MYT1L: variants seen among roughly 807,000 people sequenced by gnomAD.
MYT1L encodes the protein myelin transcription factor 1 like.
A neutral mutation model predicts 126.7 loss-of-function variants in MYT1L; 12 were observed. That is an observed-to-expected ratio of 0.09 (90% CI 0.06 to 0.15). MYT1L has a LOEUF of 0.15. Among genes scored for constraint, MYT1L ranks in the 10% least tolerant of loss-of-function variants. MYT1L has a pLI of 1.00. For synonymous variants in MYT1L, 541 were observed against 604.2 expected (o/e 0.90, Z 1.53); for missense variants, 979 against 1,585.2 (o/e 0.62, Z 6.49).
In MYT1L at chr2:2,096,473, T is replaced by G. The variant is rs144906834; in HGVS notation, c.-303-42350A>C. On this transcript the variant is annotated intron_variant, in intron 3 of 24. Coordinates refer to ENST00000647738, the MANE Select transcript of MYT1L (RefSeq NM_001303052.2). ...TGTTCAGGTTCCTAGACATGCTATTTACAAATGTCTCCCGTATCCAAGTCA... is the reference window on the plus strand; with the variant it reads ...TGTTCAGGTTCCTAGACATGCTATTGACAAATGTCTCCCGTATCCAAGTCA... Among the ~76,000 whole-genome samples the G allele has an allele frequency of 3.4e-4, 52 of 152,332 alleles. 2 individuals carry two copies. The East Asian group carries it at 0.01, about 29-fold the overall frequency.
intron 5 of MYT1L, among the ~76,000 whole-genome samples, chr2:1,988,910 A>G (rs1287150291): frequency 2.6e-5 from 4 of 152,190 alleles, no homozygotes; most frequent in Non-Finnish European, 1.5e-5. Context: ...TCCCAAAGGG[A>G]TAAGAAACAA....
intron 4 of MYT1L, among the ~76,000 whole-genome samples, chr2:2,004,272 GGCGTTCTTTCCTGCAT>G (rs1558697866): frequency 6.5e-4 from 24 of 36,766 alleles, no homozygotes; most frequent in East Asian, 3.3e-3. Flanking sequence ...CTTTCCTGCA[GGCGTTCTTTCCTGCAT>G]GCGTTCTTTC....
chr2:2,151,408 G>A (rs543698139), intron 3 of MYT1L, among the ~76,000 whole-genome samples: 44 of 152,162 alleles, frequency 2.9e-4, no homozygotes, highest in African/African-American at 9.4e-4. Context: ...TGTCCACACC[G>A]AGAGTACTTT....
At chr2:2,166,277 G>C (rs185349836) in intron 3 of MYT1L, among the ~76,000 whole-genome samples, 1 of 152,242 alleles carries the variant, frequency 6.6e-6, no homozygotes, top group East Asian at 1.9e-4. Flanking sequence ...TCATTAAACA[G>C]GAAGCCCTCT....
chr2:2,257,174 T>C (rs970334181), intron 2 of MYT1L, among the ~76,000 whole-genome samples: 3 of 152,110 alleles, frequency 2.0e-5, no homozygotes, highest in Admixed American at 6.5e-5. Flanking sequence ...AGAACACTAC[T>C]TGAGAGAATA....
chr2:1,808,397 G>A (rs1418903502), intron 22 of MYT1L, among the ~76,000 whole-genome samples: 1 of 152,164 alleles, frequency 6.6e-6, no homozygotes, highest in Non-Finnish European at 1.5e-5. Flanking sequence ...GAGTGCACAG[G>A]ACTAACTACA....
intron 5 of MYT1L, among the ~76,000 whole-genome samples, chr2:1,992,470 C>G (rs1396940461): frequency 1.3e-5 from 2 of 152,200 alleles, no homozygotes; most frequent in African/African-American, 4.8e-5. Context: ...CTGTCTATCC[C>G]CCATGCCCCG....
At chr2:2,122,001 G>A (rs558697033) in intron 3 of MYT1L, among the ~76,000 whole-genome samples, 21 of 152,326 alleles carry the variant, frequency 1.4e-4, no homozygotes, top group East Asian at 9.7e-4. Flanking sequence ...CCCCTGACCA[G>A]GGAAGGTGAG....
intron 1 of MYT1L, among the ~76,000 whole-genome samples, chr2:2,298,053 C>A (rs144867816): frequency 6.6e-6 from 1 of 152,234 alleles, no homozygotes; most frequent in Non-Finnish European, 1.5e-5. Flanking sequence ...ACTTGCTCAG[C>A]CCCTGGTGCC....
At chr2:2,313,544 G>A (rs565301804) in intron 1 of MYT1L, among the ~76,000 whole-genome samples, 2 of 151,840 alleles carry the variant, frequency 1.3e-5, no homozygotes, top group South Asian at 2.1e-4. Flanking sequence ...AATGGTATAA[G>A]GAGGAAGATA....
Position 2,270,387 on chromosome 2 carries a change from G to A in MYT1L, c.-421+14017C>T, listed in dbSNP as rs34231729. Among the ~76,000 whole-genome samples the A allele has an allele frequency of 4.7e-3, 723 of 152,282 alleles. 9 individuals are homozygous for A. Among genetic ancestry groups the A allele is most frequent in the African/African-American group, 0.017 (698 of 41,566 alleles). On this transcript the variant is annotated intron_variant, in intron 2 of 24. Coordinates refer to ENST00000647738, the MANE Select transcript of MYT1L (RefSeq NM_001303052.2). ...ATCACATTCCTTTAGTCATGAGCTT[G>A]CTGTCTTGTCCAGTCACATGAAATA...
chr2:2,107,116 G>A (rs1291510863), intron 3 of MYT1L, among the ~76,000 whole-genome samples: 1 of 152,208 alleles, frequency 6.6e-6, no homozygotes, highest in Non-Finnish European at 1.5e-5. Flanking sequence ...CCAGGACCTG[G>A]CACACAGTTC....
At chr2:1,835,525 T>C (rs1446347599) in intron 21 of MYT1L, among the ~76,000 whole-genome samples, 2 of 152,198 alleles carry the variant, frequency 1.3e-5, no homozygotes, top group East Asian at 3.9e-4. Flanking sequence ...CACCTGAAGA[T>C]GGGTGAGATG....
chr2:1,972,766 T>A (rs2149453976), intron 8 of MYT1L, among the ~76,000 whole-genome samples: 2 of 152,296 alleles, frequency 1.3e-5, no homozygotes, highest in East Asian at 3.9e-4. Flanking sequence ...GCGTGCGGAA[T>A]GGAGAGGGGG....
At chr2:1,794,513 A>C (rs1030348231) in intron 23 of MYT1L, among the ~76,000 whole-genome samples, 1 of 152,168 alleles carries the variant, frequency 6.6e-6, no homozygotes, top group African/African-American at 2.4e-5. Context: ...CGGAAGTCCA[A>C]CTGCTCCCCC....
At chr2:1,891,287 G>T (rs1189682896) in intron 15 of MYT1L, among the ~76,000 whole-genome samples, 2 of 152,164 alleles carry the variant, frequency 1.3e-5, no homozygotes, top group Admixed American at 6.5e-5. Flanking sequence ...AGGAGAGGAG[G>T]TGAACATGTC....
chr2:1,859,767 G>A (rs2044342002), intron 18 of MYT1L, among the ~76,000 whole-genome samples: 1 of 152,228 alleles, frequency 6.6e-6, no homozygotes, highest in Non-Finnish European at 1.5e-5. Flanking sequence ...GTCCCATCCA[G>A]CCGCCCTGCC....
At position 1,910,388 on chromosome 2, in the gene MYT1L, C is replaced by A. The variant is rs1217545694; in HGVS notation, c.1710-41G>T. The stretch of plus-strand genomic sequence containing the variant: ...GCGGGTTGAATGGTCCCGCCTCAAA[C>A]ACCTTCACAGCACACTAATCCTCCC... On this transcript the variant is annotated intron_variant, in intron 12 of 24. Transcript: ENST00000647738. This position sits in a 1 kb window ranked among gnomAD's most constrained non-coding sequence, Gnocchi z 4.8. 1 of 1,533,878 alleles carries A rather than the reference C, an allele frequency of 6.5e-7. No homozygotes were observed. The highest frequency in any genetic ancestry group is 2.2e-5 in the East Asian group (1 of 44,558).
chr2:2,174,886 C>T (rs11674222), intron 2 of MYT1L, among the ~76,000 whole-genome samples: 16,689 of 152,054 alleles, frequency 0.11, 1,004 homozygotes, highest in African/African-American at 0.14. Context: ...TATCTGACAA[C>T]AGCAGGGCTA....
Sources: allele counts gnomAD v4.1 joint callset (sites outside exome capture counted in the v4.1 genomes callset), GRCh38; gene constraint gnomAD v4.1.1; non-coding constraint Gnocchi (gnomAD v3.1); transcripts MANE v1.5; gene names NCBI Gene and HGNC (gene_info 2026-07-23, HGNC 2026-07-21).